The following RAB11FIP3 variants were observed in gnomAD, a reference collection of about 807,000 sequenced individuals.
The protein encoded by RAB11FIP3 is RAB11 family interacting protein 3.
A neutral mutation model predicts 77.8 loss-of-function variants in RAB11FIP3; 17 were observed. The ratio of observed to expected loss-of-function variants is 0.22; its 90% confidence interval spans 0.15 to 0.33. The LOEUF is 0.33. Ranked by LOEUF, RAB11FIP3 falls within the 10% of genes least tolerant of loss-of-function variation. The probability of loss-of-function intolerance (pLI) is 1.00; values close to 1 mark genes in which losing one functional copy is unlikely to be tolerated. For missense variants in RAB11FIP3, 1,005 were observed against 1,011.2 expected, an observed-to-expected ratio of 0.99 and a Z score of 0.08; for synonymous variants, 437 against 448.2, an observed-to-expected ratio of 0.98 and a Z score of 0.31.
intron 1 of RAB11FIP3, among the ~76,000 whole-genome samples, chr16:438,982 C>T (rs1010063117): frequency 3.3e-5 from 5 of 152,174 alleles, no homozygotes; most frequent in African/African-American, 7.2e-5. Context: ...CCGCCGCGCC[C>T]GGCTAAAACA....
intron 1 of RAB11FIP3, among the ~76,000 whole-genome samples, chr16:428,625 G>GTT (rs2054989322): frequency 1.4e-4 from 21 of 152,106 alleles, no homozygotes; most frequent in Non-Finnish European, 2.8e-4. Flanking sequence ...ACCCAGAAAG[G>GTT]TCAGATAGCT....
In RAB11FIP3 at chr16:450,669, G is replaced by A. The variant is rs74724425; in HGVS notation, c.715-10735G>A. The stretch of plus-strand genomic sequence containing the variant: ...CTCTTTTTTGTACAGGGAAGGGACC[G>A]AGGATCTGAGTGACATCTGTAGGTC... On this transcript the variant is annotated intron_variant, in intron 1 of 13. Coordinates refer to ENST00000262305, the MANE Select transcript of RAB11FIP3 (RefSeq NM_014700.4). Among the ~76,000 whole-genome samples, 40 of 152,300 alleles carry A rather than the reference G, an allele frequency of 2.6e-4. 1 individual carries two copies. The East Asian group carries it at 6.9e-3, about 26-fold the overall frequency.
chr16:492,425 C>CCCGGGAGACCCGAGGCCGTCCAGGGCCCT (rs2030511213), intron 5 of RAB11FIP3, among the ~76,000 whole-genome samples: 3 of 43,226 alleles, frequency 6.9e-5, no homozygotes, highest in African/African-American at 1.3e-4. Flanking sequence ...CCAGGGCCCT[C>CCCGGGAGACCCGAGGCCGTCCAGGGCCCT]CCCGGGAGAC....
chr16:465,463 C>T (rs1003664418), intron 2 of RAB11FIP3, among the ~76,000 whole-genome samples: 1 of 152,104 alleles, frequency 6.6e-6, no homozygotes, highest in Admixed American at 6.5e-5. Context: ...GGCGATGTAA[C>T]CATTTTGGAA....
chr16:429,994 C>T (rs1432218870), intron 1 of RAB11FIP3, among the ~76,000 whole-genome samples: 2 of 152,072 alleles, frequency 1.3e-5, no homozygotes, highest in East Asian at 1.9e-4. Flanking sequence ...GATCTAATTA[C>T]GTCATCTGGT....
intron 6 of RAB11FIP3, among the ~76,000 whole-genome samples, chr16:499,602 C>T (rs1318540342): frequency 6.6e-6 from 1 of 152,068 alleles, no homozygotes; most frequent in Admixed American, 6.5e-5. Context: ...TCAAGAACAG[C>T]CTGACCAACA....
At position 520,928 on chromosome 16, in the gene RAB11FIP3, C is replaced by G; in HGVS notation, c.*89C>G. ...CCATGAGGAGCCAAGACCAGCAGGT[C>G]CCACAGCCGACAGTGCCCAGAGCAT... On this transcript the variant is annotated 3_prime_UTR_variant, in exon 14 of 14. Coordinates refer to ENST00000262305, the MANE Select transcript of RAB11FIP3 (RefSeq NM_014700.4). The G allele has an allele frequency of 9.2e-7, 1 of 1,086,098 alleles. No individual in the cohort carries two copies. The highest frequency in any genetic ancestry group is 1.3e-5 in the South Asian group (1 of 77,840). 67.3% of individuals were successfully genotyped at this position (1,086,098 alleles called of 1,614,324 possible). A position where few individuals can be genotyped will look rare whatever the true frequency, so the allele number is the denominator to read the frequency against.
intron 6 of RAB11FIP3, among the ~76,000 whole-genome samples, chr16:499,405 T>C (rs8063957): frequency 0.016 from 2,402 of 152,302 alleles, 68 homozygotes; most frequent in African/African-American, 0.055. Context: ...CTCCCGTGCC[T>C]AGGATGGGGC....
At chr16:518,813 G>A in intron 9 of RAB11FIP3, 130 bp from the exon 10 acceptor site, 2 of 810,352 alleles carry the variant, frequency 2.5e-6, no homozygotes, top group Non-Finnish European at 2.1e-6. Context: ...ATAAGGATTG[G>A]CCCTGGTCGT....
intron 2 of RAB11FIP3, among the ~76,000 whole-genome samples, chr16:466,845 G>A (rs563873620): frequency 6.4e-4 from 97 of 152,306 alleles, no homozygotes; most frequent in African/African-American, 2.3e-3. Flanking sequence ...GCCTGGGAGG[G>A]CTCCTGCGCC....
intron 1 of RAB11FIP3, among the ~76,000 whole-genome samples, chr16:438,350 C>T (rs1041947691): frequency 1.3e-4 from 19 of 151,620 alleles, no homozygotes; most frequent in African/African-American, 4.4e-4. Flanking sequence ...TAGTGATCTG[C>T]CCACCTCGGC....
At chr16:492,422 C>T (rs2030502337) in intron 5 of RAB11FIP3, among the ~76,000 whole-genome samples, 1 of 143,330 alleles carries the variant, frequency 7.0e-6, no homozygotes, top group African/African-American at 2.6e-5. Flanking sequence ...CGCCCAGGGC[C>T]CTCCCCGGGA....
intron 6 of RAB11FIP3, among the ~76,000 whole-genome samples, chr16:502,433 T>C (rs984488514): frequency 1.3e-5 from 2 of 152,342 alleles, no homozygotes; most frequent in African/African-American, 4.8e-5. Flanking sequence ...GTGTGTCTGC[T>C]GTCTTCCTGG....
Position 519,006 on chromosome 16 carries a change from C to T in RAB11FIP3, c.1704C>T (p.Asn568=), listed in dbSNP as rs767639199. 5.0e-6 allele frequency: 8 copies of T among 1,613,378 alleles called. No individual in the cohort carries two copies. The highest frequency in any genetic ancestry group is 6.8e-6 in the Non-Finnish European group (8 of 1,180,024). Residue 568 remains asparagine (N), a synonymous_variant, in exon 10 of 14, where the codon AAC becomes AAT. Coordinates refer to ENST00000262305, the MANE Select transcript of RAB11FIP3 (RefSeq NM_014700.4). ...LRSCTPCLKA[N]IERLEEEKQK... is the part of the protein sequence containing the mutation. ...CCTGCACGCCCTGTCTGAAGGCCAA[C>T]ATTGAGCGTCTGGAGGAGGTGAGCT...
rs1161921711 is a variant in RAB11FIP3 at position 471,446 on chromosome 16, T to G, written c.903+57T>G. 6 of 1,399,918 alleles carry G rather than the reference T, an allele frequency of 4.3e-6. No individual in the cohort carries two copies. In the South Asian group the frequency reaches 4.9e-5, roughly 11 times the overall value. The allele number at this position is 1,399,918 out of a possible 1,614,324, so 86.7% of individuals were successfully genotyped here. A position where few individuals can be genotyped will look rare whatever the true frequency, so the allele number is the denominator to read the frequency against. ...AGTCTGGCATCCACCTCTTCCTTTATGCCCTACAGCTCGTGCCTCCTGCCT... is the reference window on the plus strand; with the variant it reads ...AGTCTGGCATCCACCTCTTCCTTTAGGCCCTACAGCTCGTGCCTCCTGCCT... On this transcript the variant is annotated intron_variant, in intron 3 of 13. Transcript: ENST00000262305. This position sits in a 1 kb window ranked among gnomAD's most constrained non-coding sequence, Gnocchi z 4.4.
chr16:511,082 G>A (rs1408285751), intron 9 of RAB11FIP3, among the ~76,000 whole-genome samples: 1 of 126,536 alleles, frequency 7.9e-6, no homozygotes, highest in Non-Finnish European at 1.6e-5. Flanking sequence ...CCCAGAACCT[G>A]CAGGCCAGGT....
chr16:439,858 T>TTTTTTTTTC (rs2055195391), intron 1 of RAB11FIP3, among the ~76,000 whole-genome samples: 1 of 152,034 alleles, frequency 6.6e-6, no homozygotes, highest in African/African-American at 2.4e-5. Context: ...TTCTTTTTTT[T>TTTTTTTTTC]TTTTGAGACG....
rs945031391 is a variant in RAB11FIP3 at position 425,850 on chromosome 16, G to A, written c.-157G>A. 180 of 281,422 alleles carry A rather than the reference G, an allele frequency of 6.4e-4. No homozygotes were observed. Among genetic ancestry groups the A allele is most frequent in the Middle Eastern group, 1.0e-3 (1 of 962 alleles). 17.4% of individuals were successfully genotyped at this position (281,422 alleles called of 1,614,324 possible). A position where few individuals can be genotyped will look rare whatever the true frequency, so the allele number is the denominator to read the frequency against. ...GCAGCTGAGGCGCGGTGCGAAGATG[G>A]GCGAGGACAGAGCAGGGCCCGAGCG... On this transcript the variant is annotated 5_prime_UTR_variant, in exon 1 of 14. Transcript: ENST00000262305.
intron 1 of RAB11FIP3, among the ~76,000 whole-genome samples, chr16:431,746 G>A (rs543244551): frequency 1.3e-5 from 2 of 151,730 alleles, no homozygotes; most frequent in African/African-American, 4.8e-5. Flanking sequence ...GATCATATTG[G>A]GGTAGAAGCT....
Sources: allele counts gnomAD v4.1 joint callset (sites outside exome capture counted in the v4.1 genomes callset), GRCh38; gene constraint gnomAD v4.1.1; non-coding constraint Gnocchi (gnomAD v3.1); transcripts MANE v1.5; gene names NCBI Gene and HGNC (gene_info 2026-07-23, HGNC 2026-07-21).